ZNF536: variants seen among roughly 807,000 people sequenced by gnomAD.
ZNF536 encodes the protein zinc finger protein 536.
In ZNF536, 13 loss-of-function variants were observed where a neutral mutation model predicts 84.5. The ratio of observed to expected loss-of-function variants is 0.15; its 90% CI spans 0.10 to 0.24. The LOEUF is 0.24. Ranked by LOEUF, ZNF536 falls within the 10% of genes least tolerant of loss-of-function variation. The probability of loss-of-function intolerance (pLI) is 1.00; values close to 1 mark genes in which losing one functional copy is unlikely to be tolerated. For synonymous variants in ZNF536, 811 were observed against 742.5 expected (o/e 1.09, Z -1.50); for missense variants, 1,536 against 1,747.5 (o/e 0.88, Z 2.16).
At chr19:30,612,800 A>G (rs2048146889) in intron 1 of ZNF536, among the ~76,000 whole-genome samples, 2 of 152,200 alleles carry the variant, frequency 1.3e-5, no homozygotes, top group Admixed American at 1.3e-4. Context: ...CTGGGAAATT[A>G]ACTTTGATGC....
chr19:30,711,431 T>C (rs778095383), exon 2 of ZNF536: 1 of 152,220 alleles, frequency 6.6e-6, no homozygotes, highest in African/African-American at 2.4e-5. Flanking sequence ...CTCTATAATC[T>C]GACACCAGCT....
chr19:30,581,029 G>T (rs867200406), intron 1 of ZNF536, among the ~76,000 whole-genome samples: 1 of 152,206 alleles, frequency 6.6e-6, no homozygotes, highest in Non-Finnish European at 1.5e-5. Flanking sequence ...AGCAGGAAAA[G>T]CTTGCTTTAG....
In ZNF536 at chr19:30,422,492, GCCA is replaced by G. The variant is rs144454474; in HGVS notation, c.-2-21066_-2-21064del. On this transcript the variant is annotated intron_variant, in intron 1 of 4. Coordinates refer to ENST00000355537, the MANE Select transcript of ZNF536 (RefSeq NM_014717.3). ...CCTTTTCCTTTCTCTGAATTCTCCT[GCCA>G]CCTCCCTGCAAGAGTATAGCCCATG... 8.6e-3 allele frequency among the ~76,000 whole-genome samples: 1,309 copies of G among 152,180 alleles called. 35 individuals carry two copies. The highest frequency in any genetic ancestry group is 0.074 in the East Asian group (384 of 5,170).
At chr19:30,447,232 C>G (rs1296034841) in intron 2 of ZNF536, among the ~76,000 whole-genome samples, 4 of 152,110 alleles carry the variant, frequency 2.6e-5, no homozygotes, top group Admixed American at 6.6e-5. Flanking sequence ...GTTTAGATAC[C>G]TATTTCGATC....
At chr19:30,565,579 T>A (rs995979385) in intron 1 of ZNF536, among the ~76,000 whole-genome samples, 16 of 152,256 alleles carry the variant, frequency 1.1e-4, no homozygotes, top group Admixed American at 5.2e-4. Flanking sequence ...TTTTTCTTTT[T>A]AAATTTTTGT....
chr19:30,434,444 T>A (rs1425838289), intron 1 of ZNF536, among the ~76,000 whole-genome samples: 1 of 152,214 alleles, frequency 6.6e-6, no homozygotes, highest in Non-Finnish European at 1.5e-5. Context: ...ATTTCCCAAA[T>A]GACTGAGCTG....
intron 1 of ZNF536, among the ~76,000 whole-genome samples, chr19:30,269,705 T>C (rs2025717658): frequency 6.6e-6 from 1 of 152,204 alleles, no homozygotes. Flanking sequence ...CCTGAGTGTG[T>C]TCATGCCTGT....
rs192805941 is a variant in ZNF536 at position 30,682,292 on chromosome 19, G to C, written c.170-28465G>C. On this transcript the variant is annotated intron_variant, in intron 1 of 1. Transcript: ENST00000592773. ...TGAAGCTGCTGCGTGCTGAGGACTC[G>C]AGGCGAGGATGTGTTTCCCCAAGAA... Among the ~76,000 whole-genome samples the C allele has an allele frequency of 1.6e-4, 24 of 152,258 alleles. 1 individual carries two copies. The highest frequency in any genetic ancestry group is 3.2e-4 in the Non-Finnish European group (22 of 68,020).
intron 1 of ZNF536, among the ~76,000 whole-genome samples, chr19:30,658,529 C>A (rs780860910): frequency 4.0e-5 from 6 of 151,426 alleles, no homozygotes; most frequent in Non-Finnish European, 8.8e-5. Flanking sequence ...TGAATGACAA[C>A]CTCTCTCTGT....
chr19:30,298,423 T>G (rs2046077686), intron 2 of ZNF536, among the ~76,000 whole-genome samples: 1 of 152,202 alleles, frequency 6.6e-6, no homozygotes, highest in Admixed American at 6.5e-5. Flanking sequence ...GTGCAGAGGA[T>G]GTGCAACCAA....
intron 1 of ZNF536, among the ~76,000 whole-genome samples, chr19:30,404,528 G>A (rs375377393): frequency 3.2e-4 from 49 of 152,124 alleles, no homozygotes; most frequent in Non-Finnish European, 6.8e-4. Flanking sequence ...ACCATAAAAC[G>A]AATATGATAG....
intron 3 of ZNF536, among the ~76,000 whole-genome samples, chr19:30,543,532 G>A (rs531008136): frequency 6.6e-6 from 1 of 152,348 alleles, no homozygotes; most frequent in South Asian, 2.1e-4. Flanking sequence ...CTTTTGGCAT[G>A]GATCTGGCCA....
intron 2 of ZNF536, among the ~76,000 whole-genome samples, chr19:30,510,413 C>T (rs889965896): frequency 1.3e-5 from 2 of 152,210 alleles, no homozygotes; most frequent in Non-Finnish European, 2.9e-5. Flanking sequence ...AACCACCTAG[C>T]CAGCCTCTGA....
chr19:30,560,945 C>T (rs2046142144), downstream of ZNF536, among the ~76,000 whole-genome samples: 1 of 152,228 alleles, frequency 6.6e-6, no homozygotes, highest in Non-Finnish European at 1.5e-5. Flanking sequence ...AGTTGGGGAA[C>T]TCTGCACAGC....
At chr19:30,510,395 G>A (rs550413084) in intron 2 of ZNF536, among the ~76,000 whole-genome samples, 11 of 152,336 alleles carry the variant, frequency 7.2e-5, no homozygotes, top group African/African-American at 2.4e-4. Context: ...CAGACCTGGC[G>A]TTCCAGCAAC....
intron 2 of ZNF536, among the ~76,000 whole-genome samples, chr19:30,338,052 G>A (rs1568342001): frequency 6.6e-6 from 1 of 150,648 alleles, no homozygotes; most frequent in Admixed American, 6.6e-5. Context: ...GATGATGGTG[G>A]TGATGATGGT....
At chr19:30,654,153 G>T (rs2049815963) in intron 1 of ZNF536, among the ~76,000 whole-genome samples, 1 of 152,094 alleles carries the variant, frequency 6.6e-6, no homozygotes, top group Non-Finnish European at 1.5e-5. Context: ...AAGTCTCCCT[G>T]GCTGCTACCT....
chr19:30,674,430 C>A (rs1466017661), intron 1 of ZNF536, among the ~76,000 whole-genome samples: 1 of 152,210 alleles, frequency 6.6e-6, no homozygotes, highest in Non-Finnish European at 1.5e-5. Context: ...GCTGGTCCTA[C>A]TCTCAGGTTA....
At chr19:30,620,664 G>A (rs891949816) in intron 1 of ZNF536, among the ~76,000 whole-genome samples, 8 of 152,084 alleles carry the variant, frequency 5.3e-5, no homozygotes, top group Non-Finnish European at 1.2e-4. Context: ...TGTCTAAAGG[G>A]GTGTCAACTC....
Sources: gnomAD v4.1 joint callset for allele counts (sites outside exome capture counted in the v4.1 genomes callset) on GRCh38, gnomAD v4.1.1 for gene constraint, MANE v1.5 for transcripts, NCBI Gene and HGNC (gene_info 2026-07-23, HGNC 2026-07-21) for gene names.